RCOR1: variants seen among roughly 807,000 people sequenced by gnomAD.
RCOR1 encodes the protein REST corepressor.
In RCOR1, 12 loss-of-function variants were observed where a neutral mutation model predicts 64.0. The observed-to-expected ratio is 0.19, with a 90% CI of 0.12 to 0.30. RCOR1 has a LOEUF of 0.30. Ranked by LOEUF, RCOR1 falls within the 10% of genes least tolerant of loss-of-function variation. The pLI, the probability that RCOR1 is intolerant of heterozygous loss-of-function variation, is 1.00. For missense variants in RCOR1, 502 were observed against 621.2 expected (o/e 0.81, Z 2.04); for synonymous variants, 279 against 227.2 (o/e 1.23, Z -2.05).
chr14:102,701,966 C>T (rs1895765720), intron 4 of RCOR1, among the ~76,000 whole-genome samples: 1 of 152,122 alleles, frequency 6.6e-6, no homozygotes, highest in African/African-American at 2.4e-5. Flanking sequence ...TGCGCCTGGC[C>T]AAGATTTTCT....
intron 3 of RCOR1, among the ~76,000 whole-genome samples, chr14:102,697,665 C>T (rs760638337): frequency 2.0e-5 from 3 of 152,046 alleles, no homozygotes; most frequent in African/African-American, 7.2e-5. Context: ...GTAGTTACTA[C>T]AGTAGAGTGC....
At chr14:102,669,633 A>C (rs1894991056) in intron 2 of RCOR1, among the ~76,000 whole-genome samples, 1 of 152,208 alleles carries the variant, frequency 6.6e-6, no homozygotes, top group African/African-American at 2.4e-5. Flanking sequence ...GATGTTGGGC[A>C]GCTTACTTCA....
Position 102,592,766 on chromosome 14 carries a change from C to T in RCOR1, c.-121C>T. 1 of 1,206,990 alleles carries T rather than the reference C, an allele frequency of 8.3e-7. No individual in the cohort carries two copies. The highest frequency in any genetic ancestry group is 1.0e-6 in the Non-Finnish European group (1 of 972,348). The allele number at this position is 1,206,990 out of a possible 1,614,324, so 74.8% of individuals were successfully genotyped here. ...GCCTCCCCCGACTCGGACTCGCGCC[C>T]GTGGGCTCCCGCCGCGCCCGCCCGG... On this transcript the variant is annotated 5_prime_UTR_variant, in exon 1 of 12. Transcript: ENST00000262241.
At chr14:102,658,110 G>GTAATCCCA in intron 2 of RCOR1, 1 of 219,940 alleles carries the variant, frequency 4.5e-6, no homozygotes, top group Non-Finnish European at 7.7e-6. Context: ...AAGTAATTGG[G>GTAATCCCA]ATTACAGATG....
At chr14:102,717,366 C>G (rs1009757126) in intron 8 of RCOR1, among the ~76,000 whole-genome samples, 1 of 152,226 alleles carries the variant, frequency 6.6e-6, no homozygotes. Flanking sequence ...GTGCTGCTGT[C>G]TTTCTTGTGG....
chr14:102,653,342 C>T (rs1423690295), intron 2 of RCOR1, among the ~76,000 whole-genome samples: 1 of 152,164 alleles, frequency 6.6e-6, no homozygotes, highest in African/African-American at 2.4e-5. Flanking sequence ...CCTCAGCCTC[C>T]TGAGTAGCTG....
intron 2 of RCOR1, 79 bp downstream of exon 2, chr14:102,593,404 C>G: frequency 2.2e-6 from 3 of 1,389,870 alleles, no homozygotes; most frequent in Non-Finnish European, 2.8e-6. Flanking sequence ...GGGGCGGGAG[C>G]CCGCCGACAA....
chr14:102,713,781 A>C (rs577437027), intron 7 of RCOR1, among the ~76,000 whole-genome samples: 1 of 152,358 alleles, frequency 6.6e-6, no homozygotes, highest in African/African-American at 2.4e-5. Flanking sequence ...AATATGAAGC[A>C]GAAAGTCATA....
chr14:102,719,269 T>G (rs1391179789), intron 8 of RCOR1, among the ~76,000 whole-genome samples: 2 of 152,186 alleles, frequency 1.3e-5, no homozygotes, highest in Non-Finnish European at 2.9e-5. Flanking sequence ...TTTAAAATTA[T>G]ACTTTAAGTT....
At chr14:102,716,820 C>T (rs1489656290) in intron 8 of RCOR1, among the ~76,000 whole-genome samples, 4 of 152,114 alleles carry the variant, frequency 2.6e-5, no homozygotes, top group African/African-American at 9.7e-5. Context: ...CTTTTACTTT[C>T]CATATAAAAT....
intron 2 of RCOR1, among the ~76,000 whole-genome samples, chr14:102,659,771 T>TGGAGGCAGAGAAA (rs1217618541): frequency 6.6e-6 from 1 of 152,160 alleles, no homozygotes; most frequent in African/African-American, 2.4e-5. Context: ...AATCTGAATT[T>TGGAGGCAGAGAAA]GGAGGCAGAG....
At chr14:102,626,351 T>A (rs141964690) in intron 2 of RCOR1, among the ~76,000 whole-genome samples, 165 of 152,136 alleles carry the variant, frequency 1.1e-3, no homozygotes, top group Non-Finnish European at 2.0e-3. Flanking sequence ...AAGGGGAAAA[T>A]AGAAAGTGAG....
At chr14:102,593,381 C>T (rs975253564) in intron 2 of RCOR1, 56 bp downstream of exon 2, 9 of 1,451,164 alleles carry the variant, frequency 6.2e-6, no homozygotes, top group Non-Finnish European at 8.1e-6. Context: ...CCCGGGTCCC[C>T]GGCGAGCCCG....
At chr14:102,659,632 T>C (rs141729079) in intron 2 of RCOR1, among the ~76,000 whole-genome samples, 133 of 152,366 alleles carry the variant, frequency 8.7e-4, no homozygotes, top group African/African-American at 3.2e-3. Context: ...ACTCTATTTA[T>C]GAAGTTCTTT....
chr14:102,635,136 A>G (rs933220567), intron 2 of RCOR1, among the ~76,000 whole-genome samples: 4 of 152,106 alleles, frequency 2.6e-5, no homozygotes, highest in Non-Finnish European at 5.9e-5. Flanking sequence ...ACCCAGTCCA[A>G]TGTTTCCTAG....
At chr14:102,625,168 C>T (rs1275192902) in intron 2 of RCOR1, among the ~76,000 whole-genome samples, 2 of 151,740 alleles carry the variant, frequency 1.3e-5, no homozygotes, top group African/African-American at 2.4e-5. Context: ...AACCACTGTG[C>T]CTGGCCTGAA....
At chr14:102,655,426 A>G (rs981420367) in intron 2 of RCOR1, 19 of 984,808 alleles carry the variant, frequency 1.9e-5, no homozygotes, top group South Asian at 9.4e-5. Context: ...TACCTTAACT[A>G]TGGCATGTTT....
intron 2 of RCOR1, among the ~76,000 whole-genome samples, chr14:102,676,003 C>T (rs911600203): frequency 1.3e-5 from 2 of 149,872 alleles, no homozygotes; most frequent in Admixed American, 6.7e-5. Flanking sequence ...TATCCATTTA[C>T]GCATTGAAAA....
chr14:102,677,385 A>G (rs1401077639), intron 2 of RCOR1, among the ~76,000 whole-genome samples: 7 of 134,188 alleles, frequency 5.2e-5, no homozygotes, highest in African/African-American at 1.9e-4. Context: ...CCGGGCGGAG[A>G]CGCTCCTCAC....
Sources: allele counts gnomAD v4.1 joint callset (sites outside exome capture counted in the v4.1 genomes callset), GRCh38; gene constraint gnomAD v4.1.1; transcripts MANE v1.5; gene names NCBI Gene and HGNC (gene_info 2026-07-23, HGNC 2026-07-21).